THEMIS: variants seen among roughly 807,000 people sequenced by gnomAD.
The protein encoded by THEMIS is protein THEMIS.
A neutral mutation model predicts 52.6 loss-of-function variants in THEMIS; 37 were observed. The ratio of observed to expected loss-of-function variants is 0.70; its 90% CI spans 0.54 to 0.93. The LOEUF (loss-of-function observed/expected upper bound fraction) is 0.93. Ranked by LOEUF, THEMIS falls within the 40% of genes least tolerant of loss-of-function variation. The pLI is 0.00. For missense variants in THEMIS, 808 were observed against 763.1 expected (o/e 1.06, Z -0.69); for synonymous variants, 292 against 272.7 (o/e 1.07, Z -0.70).
At chr6:127,732,094 T>A (rs1774830344) in intron 4 of THEMIS, among the ~76,000 whole-genome samples, 1 of 151,498 alleles carries the variant, frequency 6.6e-6, no homozygotes, top group African/African-American at 2.4e-5. Context: ...CATAATTTTA[T>A]ACAGTGCTGA....
intron 4 of THEMIS, among the ~76,000 whole-genome samples, chr6:127,803,699 C>A (rs748358041): frequency 6.6e-6 from 1 of 152,150 alleles, no homozygotes; most frequent in Non-Finnish European, 1.5e-5. Flanking sequence ...GTTGTAATGT[C>A]TCATAGAGAG....
intron 1 of THEMIS, among the ~76,000 whole-genome samples, chr6:127,859,873 G>C (rs1051242549): frequency 2.0e-5 from 3 of 152,108 alleles, no homozygotes. Flanking sequence ...CATATCCACT[G>C]GGGTTGCCAG....
intron 4 of THEMIS, among the ~76,000 whole-genome samples, chr6:127,754,458 G>A (rs555257235): frequency 1.5e-4 from 23 of 152,222 alleles, no homozygotes; most frequent in African/African-American, 5.3e-4. Context: ...TGCCATTCTT[G>A]GCATGACAGT....
chr6:127,870,260 G>C (rs373150860), intron 1 of THEMIS, among the ~76,000 whole-genome samples: 2 of 152,072 alleles, frequency 1.3e-5, no homozygotes, highest in African/African-American at 4.8e-5. Flanking sequence ...GGCAATGCTC[G>C]TACCCCTCCC....
chr6:127,862,478 G>A (rs1044969567), intron 1 of THEMIS, among the ~76,000 whole-genome samples: 4 of 122,466 alleles, frequency 3.3e-5, no homozygotes, highest in African/African-American at 1.2e-4. Context: ...GGAGTGCAGT[G>A]GCGCAAACTC....
chr6:127,765,449 T>G (rs1776163892), intron 4 of THEMIS, among the ~76,000 whole-genome samples: 1 of 152,246 alleles, frequency 6.6e-6, no homozygotes, highest in African/African-American at 2.4e-5. Context: ...TCAGTTGTGG[T>G]AAATTATGAA....
At chr6:127,750,721 A>C (rs1775611875) in intron 4 of THEMIS, among the ~76,000 whole-genome samples, 1 of 151,822 alleles carries the variant, frequency 6.6e-6, no homozygotes, top group Non-Finnish European at 1.5e-5. Flanking sequence ...AGAATAAAGA[A>C]GCTGCTTAAA....
chr6:127,864,925 G>T (rs1323682780), intron 1 of THEMIS, among the ~76,000 whole-genome samples: 1 of 152,194 alleles, frequency 6.6e-6, no homozygotes, highest in Non-Finnish European at 1.5e-5. Flanking sequence ...ATAGGGCAGA[G>T]CCCAAGAGAA....
chr6:127,856,115 G>T (rs990254688), intron 1 of THEMIS, among the ~76,000 whole-genome samples: 2 of 151,914 alleles, frequency 1.3e-5, no homozygotes, highest in Non-Finnish European at 1.5e-5. Flanking sequence ...GATGATTTAC[G>T]TTGTCTTTGC....
At chr6:127,730,326 G>GAAAAGAAAAA (rs1774738130) in intron 4 of THEMIS, among the ~76,000 whole-genome samples, 3 of 128,636 alleles carry the variant, frequency 2.3e-5, no homozygotes, top group Non-Finnish European at 3.3e-5. Context: ...GAGAAAAAAA[G>GAAAAGAAAAA]AAAAGAAAAG....
At chr6:127,747,722 G>A (rs948418319) in intron 4 of THEMIS, among the ~76,000 whole-genome samples, 8 of 151,882 alleles carry the variant, frequency 5.3e-5, no homozygotes, top group African/African-American at 1.7e-4. Context: ...TGTAATGTTA[G>A]CATCAAAAGA....
At chr6:127,904,611 T>C (rs1048746429), upstream of THEMIS, among the ~76,000 whole-genome samples, 2 of 151,870 alleles carry the variant, frequency 1.3e-5, no homozygotes, top group African/African-American at 4.8e-5. Context: ...ACAACATCTA[T>C]AATTAAGTAT....
At chr6:127,814,730 T>C (rs1019070333) in intron 3 of THEMIS, among the ~76,000 whole-genome samples, 1 of 152,146 alleles carries the variant, frequency 6.6e-6, no homozygotes, top group Non-Finnish European at 1.5e-5. Flanking sequence ...ATCTGTATTT[T>C]TTCCAATCAT....
rs1355290804 is a variant in THEMIS at position 127,898,302 on chromosome 6, G to A, written c.91+2540C>T. Among the ~76,000 whole-genome samples, 4 of 64,378 alleles carry A rather than the reference G, an allele frequency of 6.2e-5. No homozygotes were observed. The East Asian group carries it at 0.013, about 209-fold the overall frequency. The allele number at this position is 64,378 out of a possible 152,430, so 42.2% of individuals were successfully genotyped here. A position where few individuals can be genotyped will look rare whatever the true frequency, so the allele number is the denominator to read the frequency against. On this transcript the variant is annotated intron_variant, in intron 1 of 5. Transcript: ENST00000368248. ...GAAGAAGATGGTCTGGACACATAGA[G>A]GGACACTACATTCTTTCTTAAAACA...
intron 3 of THEMIS, among the ~76,000 whole-genome samples, chr6:127,828,683 G>A (rs538338867): frequency 1.3e-5 from 2 of 152,144 alleles, no homozygotes; most frequent in Non-Finnish European, 2.9e-5. Flanking sequence ...GGCCGGGCGC[G>A]ATGGCTCACA....
chr6:127,824,327 T>C (rs1206289928), intron 3 of THEMIS, among the ~76,000 whole-genome samples: 1 of 152,088 alleles, frequency 6.6e-6, no homozygotes. Flanking sequence ...GTAGCTCCAA[T>C]AGTTTCATAA....
chr6:127,855,955 G>A (rs1394795772), intron 1 of THEMIS, among the ~76,000 whole-genome samples: 1 of 151,820 alleles, frequency 6.6e-6, no homozygotes, highest in Non-Finnish European at 1.5e-5. Flanking sequence ...AAAAATTCTG[G>A]ATAATCTACC....
intron 1 of THEMIS, among the ~76,000 whole-genome samples, chr6:127,895,514 C>T (rs1347350957): frequency 2.0e-5 from 3 of 151,462 alleles, no homozygotes; most frequent in South Asian, 2.1e-4. Context: ...AGACAAAATA[C>T]GATCTCAATA....
At chr6:127,821,196 T>G (rs1313455433) in intron 3 of THEMIS, among the ~76,000 whole-genome samples, 1 of 150,794 alleles carries the variant, frequency 6.6e-6, no homozygotes. Context: ...GAGAGAGAGA[T>G]AAATTTTTTA....
Sources: allele counts gnomAD v4.1 joint callset (sites outside exome capture counted in the v4.1 genomes callset), GRCh38; gene constraint gnomAD v4.1.1; transcripts MANE v1.5; gene names NCBI Gene and HGNC (gene_info 2026-07-23, HGNC 2026-07-21).